The following SMAD3 variants were observed in gnomAD, a reference collection of about 807,000 sequenced individuals.
SMAD3 encodes the protein MAD homolog 3.
In SMAD3, 12 loss-of-function variants were observed where a neutral mutation model predicts 51.8. That is an observed-to-expected ratio of 0.23 (90% confidence interval 0.15 to 0.38). The LOEUF is 0.38. SMAD3 is among the 10% of genes least tolerant of loss of function. The probability of loss-of-function intolerance (pLI) is 1.00; values close to 1 mark genes in which losing one functional copy is unlikely to be tolerated. For missense variants in SMAD3, 294 were observed against 565.6 expected, an observed-to-expected ratio of 0.52 and a Z score of 4.87; for synonymous variants, 238 against 227.7, an observed-to-expected ratio of 1.05 and a Z score of -0.41.
At position 67,112,608 on chromosome 15, in the gene SMAD3, T is replaced by C. The variant is rs1236813546; in HGVS notation, c.206+46248T>C. ...AATTCTGTGGGTTGTTTTTTCACTC[T>C]CTTGATGGTGTTTTTTGAAGCACAA... On this transcript the variant is annotated intron_variant, in intron 1 of 8. Transcript: ENST00000327367. Among the ~76,000 whole-genome samples, 13 of 134,534 alleles carry C rather than the reference T, an allele frequency of 9.7e-5. 2 individuals carry two copies. Among genetic ancestry groups the C allele is most frequent in the Non-Finnish European group, 1.7e-4 (11 of 64,684 alleles). 88.3% of individuals were successfully genotyped at this position (134,534 alleles called of 152,430 possible). A position where few individuals can be genotyped will look rare whatever the true frequency, so the allele number is the denominator to read the frequency against.
chr15:67,142,876 A>G (rs1961869004), intron 1 of SMAD3: 1 of 454,480 alleles, frequency 2.2e-6, no homozygotes. Flanking sequence ...ACATGATCCC[A>G]TGTGCAGGAG....
At chr15:67,166,176 A>G (rs1044197301) in intron 3 of SMAD3, 6 of 1,013,744 alleles carry the variant, frequency 5.9e-6, no homozygotes, top group Admixed American at 1.0e-4. Context: ...CTTTGCGGGT[A>G]GCCCTGGCGT....
chr15:67,178,674 T>TG (rs869304335), intron 5 of SMAD3, among the ~76,000 whole-genome samples: 1 of 412 alleles, frequency 2.4e-3, no homozygotes, highest in Non-Finnish European at 0.017. Flanking sequence ...TGCACTTGGA[T>TG]TTTTTTTTTT....
At chr15:67,137,994 CTCCCG>C in intron 1 of SMAD3, 1 of 1,504,930 alleles carries the variant, frequency 6.6e-7, no homozygotes, top group Non-Finnish European at 9.1e-7. Context: ...GAATCCCTCC[CTCCCG>C]TCCCTGTGAC....
Position 67,112,457 on chromosome 15 carries a change from G to A in SMAD3, c.206+46097G>A, listed in dbSNP as rs142604873. On this transcript the variant is annotated intron_variant, in intron 1 of 8. Coordinates refer to ENST00000327367, the MANE Select transcript of SMAD3 (RefSeq NM_005902.4). ...ATGATAGGCGTGAGCCACCACACCC[G>A]GCTAGCCATTTCTAATTGGGTTGTC... Among the ~76,000 whole-genome samples the A allele has an allele frequency of 1.7e-4, 22 of 132,530 alleles. 3 individuals are homozygous for A. The highest frequency in any genetic ancestry group is 2.5e-4 in the Non-Finnish European group (16 of 64,246). 86.9% of individuals were successfully genotyped at this position (132,530 alleles called of 152,430 possible). A position where few individuals can be genotyped will look rare whatever the true frequency, so the allele number is the denominator to read the frequency against.
Position 67,192,522 on chromosome 15 carries a change from C to T in SMAD3, c.*1986C>T. 1 of 233,382 alleles carries T rather than the reference C, an allele frequency of 4.3e-6. No homozygotes were observed. Among genetic ancestry groups the T allele is most frequent in the Non-Finnish European group, 8.5e-6 (1 of 118,032 alleles). 14.5% of individuals were successfully genotyped at this position (233,382 alleles called of 1,614,324 possible). A position where few individuals can be genotyped will look rare whatever the true frequency, so the allele number is the denominator to read the frequency against. On this transcript the variant is annotated 3_prime_UTR_variant, in exon 9 of 9. Transcript: ENST00000327367. ...CCTGTACATGTGTTCATGTTCCCAG[C>T]CAGCTCTGAGACCCAGGAACCAAAT...
chr15:67,070,383 G>C (rs998262050), intron 1 of SMAD3, among the ~76,000 whole-genome samples: 16 of 152,138 alleles, frequency 1.1e-4, no homozygotes, highest in African/African-American at 3.9e-4. Flanking sequence ...CGTTCCCTGG[G>C]AACATTTAGA....
At chr15:67,130,727 G>A (rs1356413812) in intron 1 of SMAD3, among the ~76,000 whole-genome samples, 1 of 152,238 alleles carries the variant, frequency 6.6e-6, no homozygotes, top group African/African-American at 2.4e-5. Flanking sequence ...TGGGCTGGTG[G>A]CCTGTTCAGT....
Position 67,097,441 on chromosome 15 carries a change from A to C in SMAD3, c.206+31081A>C, listed in dbSNP as rs577492636. Among the ~76,000 whole-genome samples the C allele has an allele frequency of 1.4e-3, 215 of 152,074 alleles. 1 individual carries two copies. The highest frequency in any genetic ancestry group is 4.7e-3 in the African/African-American group (196 of 41,468). ...TTGTTTTTTGTAGAAACAGAGTTTC[A>C]CTATGTTGCCCCAGGCTAGTCTCAA... On this transcript the variant is annotated intron_variant, in intron 1 of 8. Transcript: ENST00000327367.
chr15:67,080,236 GC>G (rs1483357111), intron 1 of SMAD3, among the ~76,000 whole-genome samples: 1 of 152,228 alleles, frequency 6.6e-6, no homozygotes, highest in Non-Finnish European at 1.5e-5. Context: ...GAAAGGACTT[GC>G]CCAAGGTCAT....
chr15:67,175,249 G>T (rs374808925), intron 5 of SMAD3, among the ~76,000 whole-genome samples: 1 of 152,206 alleles, frequency 6.6e-6, no homozygotes, highest in African/African-American at 2.4e-5. Flanking sequence ...ACCAGGGAGA[G>T]CCCTGAGGGA....
At chr15:67,164,872 T>A in intron 1 of SMAD3, 23 bp from the exon 2 acceptor site, 1 of 1,612,054 alleles carries the variant, frequency 6.2e-7, no homozygotes, top group Non-Finnish European at 8.5e-7. Flanking sequence ...TCCCTCTCTT[T>A]CTGCCCCTCC....
rs1555406063 is a variant in SMAD3, at chr15:67,082,130, C to CA, written c.206+15771dup. Among the ~76,000 whole-genome samples the CA allele has an allele frequency of 6.6e-5, 10 of 151,760 alleles. No homozygotes were observed. The East Asian group carries it at 1.9e-3, about 30-fold the overall frequency. On this transcript the variant is annotated intron_variant, in intron 1 of 8. Transcript: ENST00000327367. ...AGTCTGCCCTCATGGAGCTTGCAGTCAGGTGGAGAGATAGTGCTATAATTG... is the reference window on the plus strand; with the variant it reads ...AGTCTGCCCTCATGGAGCTTGCAGTCAAGGTGGAGAGATAGTGCTATAATTG...
chr15:67,083,087 T>A (rs1009733657), intron 1 of SMAD3, among the ~76,000 whole-genome samples: 2 of 152,218 alleles, frequency 1.3e-5, no homozygotes, highest in African/African-American at 4.8e-5. Context: ...GCTACTTTCC[T>A]GGAAAATTCT....
intron 1 of SMAD3, among the ~76,000 whole-genome samples, chr15:67,111,681 G>A (rs938581181): frequency 3.3e-5 from 5 of 152,136 alleles, no homozygotes; most frequent in African/African-American, 1.2e-4. Context: ...TTTTATTTTA[G>A]CCATTCTAGT....
intron 1 of SMAD3, among the ~76,000 whole-genome samples, chr15:67,107,933 C>T (rs1595903311): frequency 1.3e-5 from 2 of 151,874 alleles, no homozygotes; most frequent in Non-Finnish European, 2.9e-5. Flanking sequence ...CAGGTCATCT[C>T]CCCGAGCAGC....
chr15:67,150,847 CTTTTTTTTT>C (rs58914503), intron 1 of SMAD3, among the ~76,000 whole-genome samples: 4 of 14,672 alleles, frequency 2.7e-4, no homozygotes, highest in East Asian at 5.5e-3. Flanking sequence ...ATTTCTCAGT[CTTTTTTTTT>C]TTTTTTTTTT....
At chr15:67,080,182 T>G (rs1475252916) in intron 1 of SMAD3, among the ~76,000 whole-genome samples, 1 of 152,204 alleles carries the variant, frequency 6.6e-6, no homozygotes, top group Non-Finnish European at 1.5e-5. Context: ...GTGCTGTTGC[T>G]TAAGTGGAAG....
intron 1 of SMAD3, among the ~76,000 whole-genome samples, chr15:67,142,373 T>C (rs960393100): frequency 1.3e-5 from 2 of 152,198 alleles, no homozygotes; most frequent in Non-Finnish European, 2.9e-5. Flanking sequence ...CGGGGCTTTG[T>C]TGGCAATAAA....
Sources: gnomAD v4.1 joint callset for allele counts (sites outside exome capture counted in the v4.1 genomes callset) on GRCh38, gnomAD v4.1.1 for gene constraint, MANE v1.5 for transcripts, NCBI Gene and HGNC (gene_info 2026-07-23, HGNC 2026-07-21) for gene names.